MPDZ: variants seen among roughly 807,000 people sequenced by gnomAD.
MPDZ encodes the protein multiple PDZ domain protein.
A neutral mutation model predicts 239.1 loss-of-function variants in MPDZ; 234 were observed. The ratio of observed to expected loss-of-function variants is 0.98; its 90% CI spans 0.88 to 1.09. MPDZ has a LOEUF of 1.09. Ranked by LOEUF, MPDZ falls within the 50% of genes least tolerant of loss-of-function variation. The probability of loss-of-function intolerance (pLI) is 0.00; values close to 1 mark genes in which losing one functional copy is unlikely to be tolerated. For missense variants in MPDZ, 3,175 were observed against 2,510.0 expected (o/e 1.26, Z -5.66); for synonymous variants, 1,048 against 881.3 (o/e 1.19, Z -3.35).
At chr9:13,260,516 T>C (rs895389165) in intron 1 of MPDZ, among the ~76,000 whole-genome samples, 1 of 152,190 alleles carries the variant, frequency 6.6e-6, no homozygotes, top group African/African-American at 2.4e-5. Flanking sequence ...TACCTTACGA[T>C]GTTGCTATGG....
intron 3 of MPDZ, among the ~76,000 whole-genome samples, chr9:13,235,235 G>A (rs939930586): frequency 2.0e-5 from 3 of 152,082 alleles, no homozygotes; most frequent in East Asian, 1.9e-4. Context: ...TTAATGTGAC[G>A]AAACTATTTT....
rs746268904 is a variant in MPDZ, at chr9:13,198,733, C to CTGTGTG, written c.1547-2504_1547-2503insCACACA. On this transcript the variant is annotated intron_variant, in intron 12 of 46. Coordinates refer to ENST00000319217, the MANE Select transcript of MPDZ (RefSeq NM_001378778.1). The stretch of plus-strand genomic sequence containing the variant: ...TCTTATATTTAGGTCTTTAATCTCT[C>CTGTGTG]TCTCTGTGTGTGTGTGTGTGTGTGT... 3.4e-3 allele frequency among the ~76,000 whole-genome samples: 300 copies of CTGTGTG among 89,458 alleles called. 3 individuals are homozygous for CTGTGTG. Among genetic ancestry groups the CTGTGTG allele is most frequent in the South Asian group, 7.5e-3 (21 of 2,790 alleles). The allele number at this position is 89,458 out of a possible 152,430, so 58.7% of individuals were successfully genotyped here.
At position 13,110,711 on chromosome 9, in the gene MPDZ, G is replaced by A; in HGVS notation, c.5754C>T (p.Gly1918=). 1 of 1,613,342 alleles carries A rather than the reference G, an allele frequency of 6.2e-7. No homozygotes were observed. The highest frequency in any genetic ancestry group is 8.5e-7 in the Non-Finnish European group (1 of 1,179,644). The change falls in exon 44 of 47, where the codon GGC becomes GGT. Residue 1918 remains glycine (G), a synonymous_variant. Transcript: ENST00000319217. Reference sequence around the variant, plus strand: ...TGTGAGTCATGCCCTCAGTGGATGTGCCACAGATGGTGACAATCCTATCCC... The same window carrying A: ...TGTGAGTCATGCCCTCAGTGGATGTACCACAGATGGTGACAATCCTATCCC... The part of the protein sequence containing the change: ...RVGDRIVTIC[G]TSTEGMTHTQ...
At chr9:13,222,061 T>C (rs570886533) in intron 6 of MPDZ, among the ~76,000 whole-genome samples, 172 bp downstream of exon 6, 1 of 152,206 alleles carries the variant, frequency 6.6e-6, no homozygotes, top group African/African-American at 2.4e-5. Context: ...TTTTAGAACT[T>C]AGAAGCTTTA....
At position 13,279,658 on chromosome 9, in the gene MPDZ, G is replaced by C. The variant is rs1432580649; in HGVS notation, c.-316C>G. ...AGCGCGCGCCGCACTTGCGCCGACC[G>C]GGGCTGCCGCGGAGGCGGTGGCGGG... is the stretch of plus-strand genomic sequence containing the variant. On this transcript the variant is annotated 5_prime_UTR_variant, in exon 1 of 47. Coordinates refer to ENST00000319217, the MANE Select transcript of MPDZ (RefSeq NM_001378778.1). 3.3e-5 allele frequency: 5 copies of C among 150,412 alleles called. No homozygotes were observed. In the East Asian group the frequency reaches 5.9e-4, roughly 18 times the overall value. The allele number at this position is 150,412 out of a possible 1,614,324, so 9.3% of individuals were successfully genotyped here. A position where few individuals can be genotyped will look rare whatever the true frequency, so the allele number is the denominator to read the frequency against.
chr9:13,127,436 T>C lies in MPDZ; in HGVS notation c.4465-664A>G, dbSNP rs116700879. The stretch of plus-strand genomic sequence containing the variant: ...TATCAAAACCAAATGTTCAGAAATA[T>C]TGGCTTTTAGCTTTCTTTAATGTTT... On this transcript the variant is annotated intron_variant, in intron 32 of 46. Transcript: ENST00000319217. Among the ~76,000 whole-genome samples the C allele has an allele frequency of 6.2e-3, 943 of 152,356 alleles. 8 individuals carry two copies. The highest frequency in any genetic ancestry group is 0.021 in the African/African-American group (856 of 41,576).
intron 12 of MPDZ, among the ~76,000 whole-genome samples, chr9:13,196,553 T>C (rs1955672921): frequency 6.6e-6 from 1 of 152,138 alleles, no homozygotes; most frequent in Admixed American, 6.6e-5. Flanking sequence ...CTGGTAATGC[T>C]ACAGTAAAAA....
chr9:13,228,001 C>T (rs995802737), intron 3 of MPDZ, among the ~76,000 whole-genome samples: 1 of 152,054 alleles, frequency 6.6e-6, no homozygotes, highest in Non-Finnish European at 1.5e-5. Flanking sequence ...TTGAGGAATA[C>T]GAGTGTATCT....
chr9:13,165,300 C>G (rs2133780761), intron 22 of MPDZ: 1 of 1,512,306 alleles, frequency 6.6e-7, no homozygotes, highest in East Asian at 2.5e-5. Context: ...TACAAAAGCA[C>G]AAAATTGTTT....
intron 41 of MPDZ, among the ~76,000 whole-genome samples, chr9:13,113,516 T>C (rs1449090924): frequency 6.6e-6 from 1 of 152,174 alleles, no homozygotes; most frequent in East Asian, 1.9e-4. Flanking sequence ...CAAAAATCCC[T>C]CTGCAGCATG....
intron 5 of MPDZ, 142 bp downstream of exon 5, chr9:13,223,429 A>T: frequency 1.1e-6 from 1 of 885,736 alleles, no homozygotes; most frequent in Non-Finnish European, 1.6e-6. Context: ...CAACAATGTT[A>T]ATGACTTCTA....
intron 1 of MPDZ, among the ~76,000 whole-genome samples, chr9:13,261,262 G>C (rs202154733): frequency 6.6e-6 from 1 of 152,134 alleles, no homozygotes; most frequent in Non-Finnish European, 1.5e-5. Context: ...GGCATTCCTT[G>C]GGAGATGCAA....
chr9:13,167,295 T>C (rs1239657946), intron 22 of MPDZ, among the ~76,000 whole-genome samples: 1 of 152,132 alleles, frequency 6.6e-6, no homozygotes, highest in African/African-American at 2.4e-5. Flanking sequence ...TATGATCTGA[T>C]GATCTGTTCA....
intron 19 of MPDZ, among the ~76,000 whole-genome samples, chr9:13,182,908 A>G (rs1382557047): frequency 6.6e-6 from 1 of 152,134 alleles, no homozygotes; most frequent in South Asian, 2.1e-4. Context: ...CATAAACATA[A>G]TTTACCATTC....
chr9:13,183,110 T>C (rs764936551), intron 19 of MPDZ, among the ~76,000 whole-genome samples: 3 of 152,086 alleles, frequency 2.0e-5, no homozygotes, highest in Non-Finnish European at 2.9e-5. Flanking sequence ...AAGTATACAC[T>C]GCTAAAAACA....
chr9:13,181,188 T>C (rs762284988), intron 19 of MPDZ, among the ~76,000 whole-genome samples: 1 of 152,194 alleles, frequency 6.6e-6, no homozygotes, highest in African/African-American at 2.4e-5. Flanking sequence ...TCTATTTTAA[T>C]CCTTCTTTCA....
At position 13,113,056 on chromosome 9, in the gene MPDZ, T is replaced by C; in HGVS notation, c.5558-2A>G. 6.4e-7 allele frequency: 1 copy of C among 1,573,806 alleles called. No individual in the cohort carries two copies. The highest frequency in any genetic ancestry group is 8.6e-7 in the Non-Finnish European group (1 of 1,158,016). Reference sequence around the variant, plus strand: ...TTAATCCCTGTATTTCAGATGCCACTGTAAAGGCAAAAAAGATAAAATAGG... The same window carrying C: ...TTAATCCCTGTATTTCAGATGCCACCGTAAAGGCAAAAAAGATAAAATAGG... On this transcript the variant is annotated splice_acceptor_variant, in intron 41 of 46. Coordinates refer to ENST00000319217, the MANE Select transcript of MPDZ (RefSeq NM_001378778.1). LOFTEE classifies it high-confidence loss of function.
At chr9:13,151,604 A>G (rs779824909) in intron 24 of MPDZ, among the ~76,000 whole-genome samples, 52 of 152,118 alleles carry the variant, frequency 3.4e-4, no homozygotes, top group Non-Finnish European at 7.5e-4. Flanking sequence ...TCATAGAGAC[A>G]GAAAGTAGAA....
At chr9:13,122,054 T>TA (rs761994459) in intron 37 of MPDZ, 33 bp downstream of exon 37, 36 of 1,611,316 alleles carry the variant, frequency 2.2e-5, no homozygotes, top group Non-Finnish European at 2.7e-5. Flanking sequence ...TTTTCTCTGT[T>TA]AATTTTGAAG....
Sources: allele counts gnomAD v4.1 joint callset (sites outside exome capture counted in the v4.1 genomes callset), GRCh38; gene constraint gnomAD v4.1.1; transcripts MANE v1.5; gene names NCBI Gene and HGNC (gene_info 2026-07-23, HGNC 2026-07-21).